FLRT2: variants seen among roughly 807,000 people sequenced by gnomAD.
FLRT2 encodes the protein leucine-rich repeat transmembrane protein FLRT2.
FLRT2 carries 15 observed loss-of-function variants against 40.0 expected under a neutral mutation model. The observed-to-expected ratio is 0.38, with a 90% CI of 0.25 to 0.58. The LOEUF (loss-of-function observed/expected upper bound fraction) is 0.58. Ranked by LOEUF, FLRT2 falls within the 20% of genes least tolerant of loss-of-function variation. The probability of loss-of-function intolerance (pLI) is 0.71; values close to 1 mark genes in which losing one functional copy is unlikely to be tolerated. For synonymous variants in FLRT2, 380 were observed against 336.8 expected (o/e 1.13, Z -1.41); for missense variants, 726 against 840.0 (o/e 0.86, Z 1.68).
In FLRT2 at chr14:85,643,287, TTTTTTTTCTTTCTTTCTTTC is replaced by T. The variant is rs1426401105; in HGVS notation, c.*19794_*19813del. ...CATGAGAGAGTTCAGAGGGTATTTCTTTTTTTTCTTTCTTTCTTTCTTTCTTTCTTTCTTTCTTTCTTTCT... is the reference window on the plus strand; with the variant it reads ...CATGAGAGAGTTCAGAGGGTATTTCTTTTCTTTCTTTCTTTCTTTCTTTCT... On this transcript the variant is annotated 3_prime_UTR_variant, in exon 2 of 2. Transcript: ENST00000330753. The T allele has an allele frequency of 1.6e-3, 234 of 143,328 alleles. No individual in the cohort carries two copies. The highest frequency in any genetic ancestry group is 5.8e-3 in the African/African-American group (220 of 37,976). 8.9% of individuals were successfully genotyped at this position (143,328 alleles called of 1,614,324 possible).
chr14:85,547,430 T>A lies in FLRT2; in HGVS notation c.-377+16896T>A, dbSNP rs977757782. Among the ~76,000 whole-genome samples, 6 of 151,928 alleles carry A rather than the reference T, an allele frequency of 3.9e-5. No individual in the cohort carries two copies. In the South Asian group the frequency reaches 1.2e-3, roughly 32 times the overall value. On this transcript the variant is annotated intron_variant, in intron 1 of 1. Coordinates refer to ENST00000330753, the MANE Select transcript of FLRT2 (RefSeq NM_013231.6). ...CCTCTGCCTTCCAGTTTCAAGCGAT[T>A]CCCCTGCCTCAGCTTCCCGAGTAGC...
chr14:85,592,526 C>G (rs9323766), intron 1 of FLRT2, among the ~76,000 whole-genome samples: 46,703 of 151,832 alleles, frequency 0.31, 7,898 homozygotes, highest in African/African-American at 0.45. Context: ...AGTGGCGCAA[C>G]GGCTGTAATC....
rs1358863508 is a variant in FLRT2 at position 85,551,629 on chromosome 14, C to T, written c.-377+21095C>T. The T allele has an allele frequency of 2.6e-5, 4 of 152,224 alleles. No homozygotes were observed. In the East Asian group the frequency reaches 5.8e-4, roughly 22 times the overall value. 9.4% of individuals were successfully genotyped at this position (152,224 alleles called of 1,614,324 possible). A position where few individuals can be genotyped will look rare whatever the true frequency, so the allele number is the denominator to read the frequency against. The stretch of plus-strand genomic sequence containing the variant: ...GCATGCATACATGGAAGGATGGACA[C>T]ATGGAAAGGATGAATATATATAGGG... On this transcript the variant is annotated intron_variant, in intron 1 of 1. Transcript: ENST00000330753.
At chr14:85,533,221 G>C (rs67558286) in intron 1 of FLRT2, among the ~76,000 whole-genome samples, 30,287 of 152,044 alleles carry the variant, frequency 0.2, 3,701 homozygotes, top group Non-Finnish European at 0.26. Flanking sequence ...GACGGAGGGA[G>C]AGGAGGAGCG....
At chr14:85,579,925 ATTTTTTT>A (rs4015970) in intron 1 of FLRT2, among the ~76,000 whole-genome samples, 7 of 117,562 alleles carry the variant, frequency 6.0e-5, no homozygotes, top group African/African-American at 1.3e-4. Flanking sequence ...GGGTATTAGA[ATTTTTTT>A]TTTTTTTTTT....
In FLRT2 at chr14:85,639,956, C is replaced by T. The variant is rs1894113103; in HGVS notation, c.*16459C>T. The T allele has an allele frequency of 6.8e-6, 1 of 146,934 alleles. No homozygotes were observed. The highest frequency in any genetic ancestry group is 7.0e-5 in the Admixed American group (1 of 14,258). 9.1% of individuals were successfully genotyped at this position (146,934 alleles called of 1,614,324 possible). A position where few individuals can be genotyped will look rare whatever the true frequency, so the allele number is the denominator to read the frequency against. ...CTCCGCCTTCCGAGTTCACACCATTCTCCTGCCTCAGTCTCCCGAGTAGCT... is the reference window on the plus strand; with the variant it reads ...CTCCGCCTTCCGAGTTCACACCATTTTCCTGCCTCAGTCTCCCGAGTAGCT... On this transcript the variant is annotated 3_prime_UTR_variant, in exon 2 of 2. Transcript: ENST00000330753.
chr14:85,575,397 T>C (rs1891085504), intron 1 of FLRT2, among the ~76,000 whole-genome samples: 1 of 152,150 alleles, frequency 6.6e-6, no homozygotes, highest in African/African-American at 2.4e-5. Flanking sequence ...CCTTAAAATA[T>C]TGTTGTCGAA....
intron 1 of FLRT2, among the ~76,000 whole-genome samples, chr14:85,549,991 A>G (rs1313012418): frequency 4.0e-5 from 6 of 151,780 alleles, no homozygotes; most frequent in Admixed American, 6.6e-5. Context: ...GTTCTATCTC[A>G]ATTTGGATAT....
Position 85,651,429 on chromosome 14 carries a change from AT to A in FLRT2, c.*27936del, listed in dbSNP as rs1566776634. 6.6e-6 allele frequency: 1 copy of A among 151,938 alleles called. No individual in the cohort carries two copies. Among genetic ancestry groups the A allele is most frequent in the Non-Finnish European group, 1.5e-5 (1 of 67,964 alleles). 9.4% of individuals were successfully genotyped at this position (151,938 alleles called of 1,614,324 possible). ...ATCGCTTCATTTTATCTCTCATCACATTTTGTTTTTGTTTGTTTGTGCTGTG... is the reference window on the plus strand; with the variant it reads ...ATCGCTTCATTTTATCTCTCATCACATTTGTTTTTGTTTGTTTGTGCTGTG... On this transcript the variant is annotated 3_prime_UTR_variant, in exon 2 of 2. Transcript: ENST00000330753.
rs938103702 is a variant in FLRT2, at chr14:85,642,298, T to C, written c.*18801T>C. 1.4e-4 allele frequency: 21 copies of C among 152,034 alleles called. No homozygotes were observed. The highest frequency in any genetic ancestry group is 5.1e-4 in the African/African-American group (21 of 41,392). The allele number at this position is 152,034 out of a possible 1,614,324, so 9.4% of individuals were successfully genotyped here. A position where few individuals can be genotyped will look rare whatever the true frequency, so the allele number is the denominator to read the frequency against. On this transcript the variant is annotated 3_prime_UTR_variant, in exon 2 of 2. Transcript: ENST00000330753. ...AACCCAGAGCATTATAATGGGAATG[T>C]TAGGTAGGTTTAAATTATTCTGACT... is the stretch of plus-strand genomic sequence containing the variant.
intron 1 of FLRT2, among the ~76,000 whole-genome samples, chr14:85,571,698 G>C (rs1272145328): frequency 6.6e-6 from 1 of 152,150 alleles, no homozygotes; most frequent in East Asian, 1.9e-4. Flanking sequence ...CTGATTTCCT[G>C]TGTATTTGAT....
At chr14:85,619,882 G>A (rs972557418) in intron 1 of FLRT2, among the ~76,000 whole-genome samples, 1 of 152,176 alleles carries the variant, frequency 6.6e-6, no homozygotes, top group Non-Finnish European at 1.5e-5. Context: ...TTCCTCAACT[G>A]TGTCTTCTGT....
intron 1 of FLRT2, among the ~76,000 whole-genome samples, chr14:85,604,308 G>C (rs566712128): frequency 2.0e-5 from 3 of 152,232 alleles, no homozygotes; most frequent in African/African-American, 7.2e-5. Flanking sequence ...GTCTTATCCA[G>C]ATCTTCCTTT....
At chr14:85,594,096 C>T (rs535934572) in intron 1 of FLRT2, among the ~76,000 whole-genome samples, 8 of 152,180 alleles carry the variant, frequency 5.3e-5, no homozygotes, top group African/African-American at 1.9e-4. Flanking sequence ...AATTCCTAGT[C>T]ATCTTATATA....
At chr14:85,543,363 AAATATTGCTC>A (rs1203998568) in intron 1 of FLRT2, among the ~76,000 whole-genome samples, 1 of 152,096 alleles carries the variant, frequency 6.6e-6, no homozygotes, top group Non-Finnish European at 1.5e-5. Context: ...GCCACATAGA[AAATATTGCTC>A]AATTTAACTC....
At position 85,646,233 on chromosome 14, in the gene FLRT2, A is replaced by C. The variant is rs1312707459; in HGVS notation, c.*22736A>C. On this transcript the variant is annotated 3_prime_UTR_variant, in exon 2 of 2. Transcript: ENST00000330753. ...AATGGACTGTGGAAAAATCAGTTAGAGTGTCACTTGGATGAAGCTGTAATT... is the reference window on the plus strand; with the variant it reads ...AATGGACTGTGGAAAAATCAGTTAGCGTGTCACTTGGATGAAGCTGTAATT... 6.6e-6 allele frequency: 1 copy of C among 152,176 alleles called. No homozygotes were observed. Among genetic ancestry groups the C allele is most frequent in the Non-Finnish European group, 1.5e-5 (1 of 68,030 alleles). The allele number at this position is 152,176 out of a possible 1,614,324, so 9.4% of individuals were successfully genotyped here. A position where few individuals can be genotyped will look rare whatever the true frequency, so the allele number is the denominator to read the frequency against.
In FLRT2 at chr14:85,631,007, T is replaced by C. The variant is rs374329470; in HGVS notation, c.*7510T>C. Reference sequence around the variant, plus strand: ...GAATTCAAACTCTTTGTGTGACTTATGTATCCTACTACATGTTGCTCCCTG... The same window carrying C: ...GAATTCAAACTCTTTGTGTGACTTACGTATCCTACTACATGTTGCTCCCTG... On this transcript the variant is annotated 3_prime_UTR_variant, in exon 2 of 2. Transcript: ENST00000330753. 5 of 151,188 alleles carry C rather than the reference T, an allele frequency of 3.3e-5. No individual in the cohort carries two copies. The highest frequency in any genetic ancestry group is 3.9e-4 in the East Asian group (2 of 5,124). 9.4% of individuals were successfully genotyped at this position (151,188 alleles called of 1,614,324 possible).
At chr14:85,585,578 A>G (rs192052220) in intron 1 of FLRT2, among the ~76,000 whole-genome samples, 2 of 152,050 alleles carry the variant, frequency 1.3e-5, no homozygotes, top group African/African-American at 4.8e-5. Context: ...CACAGAAAGA[A>G]TCATGTGTGT....
At position 85,623,737 on chromosome 14, in the gene FLRT2, A is replaced by G. The variant is rs1439336503; in HGVS notation, c.*240A>G. On this transcript the variant is annotated 3_prime_UTR_variant, in exon 2 of 2. Coordinates refer to ENST00000330753, the MANE Select transcript of FLRT2 (RefSeq NM_013231.6). ...TCTTTGCTTTTTAAATCTTAAAAAAAAAAAAGTTGCTGAAGTACTGTACAG... is the reference window on the plus strand; with the variant it reads ...TCTTTGCTTTTTAAATCTTAAAAAAGAAAAAGTTGCTGAAGTACTGTACAG... The G allele has an allele frequency of 7.8e-6, 3 of 386,132 alleles. No individual in the cohort carries two copies. Among genetic ancestry groups the G allele is most frequent in the Non-Finnish European group, 1.4e-5 (3 of 213,082 alleles). The allele number at this position is 386,132 out of a possible 1,614,324, so 23.9% of individuals were successfully genotyped here.
Sources: allele counts gnomAD v4.1 joint callset (sites outside exome capture counted in the v4.1 genomes callset), GRCh38; gene constraint gnomAD v4.1.1; transcripts MANE v1.5; gene names NCBI Gene and HGNC (gene_info 2026-07-23, HGNC 2026-07-21).